Variants in LRRC27 observed in about 807,000 individuals in gnomAD.
LRRC27 encodes the protein leucine-rich repeat-containing protein 27.
Under a neutral mutation model 55.0 loss-of-function variants are expected in LRRC27, and 57 were observed. The ratio of observed to expected loss-of-function variants is 1.04; its 90% CI spans 0.84 to 1.29. LRRC27 has a LOEUF of 1.29. LRRC27 is among the 50% of genes most tolerant of loss of function. The pLI is 0.00. For synonymous variants in LRRC27, 278 were observed against 251.9 expected (o/e 1.10, Z -0.98); for missense variants, 721 against 651.5 (o/e 1.11, Z -1.16).
At chr10:132,370,921 A>G (rs1415638649) in intron 10 of LRRC27, among the ~76,000 whole-genome samples, 1 of 152,218 alleles carries the variant, frequency 6.6e-6, no homozygotes, top group Admixed American at 6.5e-5. Flanking sequence ...GGGCTTTGCC[A>G]GAAGAGTGTG....
upstream of LRRC27, chr10:132,331,871 GCGCAGGCGCA>G (rs1564813045): frequency 1.0e-5 from 13 of 1,280,370 alleles, no homozygotes; most frequent in Non-Finnish European, 1.3e-5. Context: ...CCGCGTGCGT[GCGCAGGCGCA>G]CCACCCCCTG....
At position 132,333,658 on chromosome 10, in the gene LRRC27, C is replaced by T. The variant is rs747857537; in HGVS notation, c.134C>T (p.Ser45Phe). The change falls in exon 2 of 11, where the codon TCC becomes TTC. Residue 45 changes from serine (S) to phenylalanine (F), a missense_variant. By Grantham distance (155) the Ser-to-Phe change is radical (BLOSUM62 -2). Transcript: ENST00000368614. ...VHKGVGGIIFSSSPILDLSES... is the reference protein window; with the variant it reads ...VHKGVGGIIFFSSPILDLSES... ...AAGGGTGTTGGAGGCATCATCTTTT[C>T]CTCCTCACCGATTTTAGACTTGAGT... is the stretch of plus-strand genomic sequence containing the variant. 5.0e-6 allele frequency: 8 copies of T among 1,613,698 alleles called. No individual in the cohort carries two copies. The South Asian group carries it at 6.6e-5, about 13-fold the overall frequency.
At chr10:132,338,718 T>A (rs572425494) in intron 3 of LRRC27, among the ~76,000 whole-genome samples, 10 of 150,602 alleles carry the variant, frequency 6.6e-5, no homozygotes, top group African/African-American at 2.4e-4. Flanking sequence ...TTCTTTTTTT[T>A]TTTTTTTTTG....
chr10:132,353,698 G>A lies in LRRC27; in HGVS notation c.1073+1945G>A, dbSNP rs535320600. 1.1e-4 allele frequency among the ~76,000 whole-genome samples: 16 copies of A among 152,312 alleles called. No homozygotes were observed. In the East Asian group the frequency reaches 1.3e-3, roughly 13 times the overall value. On this transcript the variant is annotated intron_variant, in intron 7 of 10. Transcript: ENST00000368614. ...TGTGGGACCAGGTCTTGCTGGCCAC[G>A]GGCCACAGCTGCTGGGGCCCAGGGA...
chr10:132,331,143 G>C (rs2066698813), upstream of LRRC27, among the ~76,000 whole-genome samples: 3 of 143,942 alleles, frequency 2.1e-5, no homozygotes, highest in Non-Finnish European at 4.5e-5. Context: ...GGAGGTCGCA[G>C]TGGGCCGAGA....
intron 10 of LRRC27, chr10:132,366,882 T>A (rs1289139810): frequency 1.8e-5 from 23 of 1,286,558 alleles, no homozygotes; most frequent in Non-Finnish European, 2.2e-5. Flanking sequence ...GAGGGCAGGA[T>A]GTGGAGCCAC....
Position 132,364,688 on chromosome 10 carries a change from G to A in LRRC27, c.1290-736G>A, listed in dbSNP as rs1467089757. The stretch of plus-strand genomic sequence containing the variant: ...CCTGCACACCCACGCTTACACCCAC[G>A]TCCACACCGTGGGGCCCCACACTCA... On this transcript the variant is annotated intron_variant, in intron 9 of 10. Transcript: ENST00000368614. Among the ~76,000 whole-genome samples, 31 of 19,350 alleles carry A rather than the reference G, an allele frequency of 1.6e-3. 3 individuals carry two copies. Among genetic ancestry groups the A allele is most frequent in the Non-Finnish European group, 1.9e-3 (16 of 8,242 alleles). The allele number at this position is 19,350 out of a possible 152,430, so 12.7% of individuals were successfully genotyped here. A position where few individuals can be genotyped will look rare whatever the true frequency, so the allele number is the denominator to read the frequency against.
intron 6 of LRRC27, chr10:132,350,329 A>G (rs1426280131): frequency 6.6e-6 from 1 of 152,292 alleles, no homozygotes; most frequent in African/African-American, 2.4e-5. Flanking sequence ...GACGTCCAGC[A>G]GGCCTTCCTC....
upstream of LRRC27, among the ~76,000 whole-genome samples, chr10:132,331,128 G>A (rs2066697124): frequency 6.7e-6 from 1 of 150,250 alleles, no homozygotes; most frequent in Admixed American, 6.6e-5. Flanking sequence ...TTGAACCTGG[G>A]AGGCGGAGGT....
intron 7 of LRRC27, among the ~76,000 whole-genome samples, chr10:132,354,947 C>T (rs565913937): frequency 1.6e-3 from 250 of 152,300 alleles, no homozygotes; most frequent in Non-Finnish European, 1.9e-3. Flanking sequence ...CAGCCACACG[C>T]GAGGAGCCCC....
At chr10:132,345,370 GA>G (rs141288086) in intron 5 of LRRC27, among the ~76,000 whole-genome samples, 4,818 of 152,322 alleles carry the variant, frequency 0.032, 228 homozygotes, top group African/African-American at 0.11. Context: ...TGCTGCAATT[GA>G]AATGTGTGGG....
intron 10 of LRRC27, among the ~76,000 whole-genome samples, chr10:132,367,664 A>G (rs949217212): frequency 1.4e-4 from 22 of 152,366 alleles, no homozygotes; most frequent in African/African-American, 4.8e-4. Context: ...TATAACACCT[A>G]TCATGATAAA....
chr10:132,331,815 C>A, upstream of LRRC27: 1 of 1,578,044 alleles, frequency 6.3e-7, no homozygotes, highest in Admixed American at 1.7e-5. Context: ...CGTCGACCAC[C>A]ACCCCTTCAA....
At chr10:132,362,138 C>T (rs987852736) in intron 9 of LRRC27, among the ~76,000 whole-genome samples, 11 of 152,150 alleles carry the variant, frequency 7.2e-5, no homozygotes, top group African/African-American at 2.7e-4. Context: ...CAGCCAGAAC[C>T]GAGAAGCTGT....
intron 7 of LRRC27, chr10:132,352,833 C>A: frequency 6.2e-7 from 1 of 1,601,734 alleles, no homozygotes; most frequent in African/African-American, 1.3e-5. Context: ...TTCCTCACGA[C>A]ACCTGCCTGC....
chr10:132,333,564 G>T lies in LRRC27; in HGVS notation c.40G>T (p.Ala14Ser). Residue 14 changes from alanine (A) to serine (S), a missense_variant, in exon 2 of 11, where the codon GCT becomes TCT. Coordinates refer to ENST00000368614, the MANE Select transcript of LRRC27 (RefSeq NM_030626.3). ...SSSYEVPSVA[A>S]ADLEEGAGQT... ...CTCCTACGAAGTTCCCTCTGTGGCT[G>T]CTGCTGATCTGGAGGAGGGTGCTGG... 1 of 1,610,642 alleles carries T rather than the reference G, an allele frequency of 6.2e-7. No homozygotes were observed. The highest frequency in any genetic ancestry group is 1.1e-5 in the South Asian group (1 of 90,786).
chr10:132,330,397 C>T, upstream of LRRC27: 1 of 716,386 alleles, frequency 1.4e-6, no homozygotes, highest in Non-Finnish European at 2.6e-6. Flanking sequence ...CACGGCAACA[C>T]CCATGTCACT....
At chr10:132,339,824 C>A (rs894994441) in intron 3 of LRRC27, among the ~76,000 whole-genome samples, 4 of 152,296 alleles carry the variant, frequency 2.6e-5, no homozygotes, top group South Asian at 2.1e-4. Flanking sequence ...CTCGTGTTTT[C>A]CCTAAAATAA....
At position 132,338,812 on chromosome 10, in the gene LRRC27, C is replaced by T. The variant is rs1416098365; in HGVS notation, c.341+1117C>T. 5.3e-5 allele frequency among the ~76,000 whole-genome samples: 8 copies of T among 150,760 alleles called. No homozygotes were observed. In the South Asian group the frequency reaches 1.5e-3, roughly 28 times the overall value. ...GCAACCTCTACCTCCTGGTTTCAAG[C>T]GATCCTCTTGCCTCAGCCTCCCAAG... On this transcript the variant is annotated intron_variant, in intron 3 of 10. Coordinates refer to ENST00000368614, the MANE Select transcript of LRRC27 (RefSeq NM_030626.3).
Sources: gnomAD v4.1 joint callset for allele counts (sites outside exome capture counted in the v4.1 genomes callset) on GRCh38, gnomAD v4.1.1 for gene constraint, MANE v1.5 for transcripts, NCBI Gene and HGNC (gene_info 2026-07-23, HGNC 2026-07-21) for gene names.